Variants in OSTF1 observed in about 807,000 individuals in gnomAD.
OSTF1 encodes the protein osteoclast-stimulating factor 1.
In OSTF1, 27 loss-of-function variants were observed where a neutral mutation model predicts 37.2. The ratio of observed to expected loss-of-function variants is 0.73; its 90% CI spans 0.54 to 1.00. OSTF1 has a LOEUF of 1.00. OSTF1 is among the 50% of genes least tolerant of loss of function. OSTF1 has a pLI of 0.00. For missense variants in OSTF1, 232 were observed against 253.8 expected (o/e 0.91, Z 0.58); for synonymous variants, 82 against 89.2 (o/e 0.92, Z 0.46).
intron 1 of OSTF1, among the ~76,000 whole-genome samples, chr9:75,108,155 G>A (rs1468144770): frequency 1.3e-5 from 2 of 151,970 alleles, no homozygotes; most frequent in African/African-American, 4.8e-5. Context: ...AGCCTGAGAG[G>A]TTGAAGCTGC....
chr9:75,102,838 C>T (rs141942878), intron 1 of OSTF1, among the ~76,000 whole-genome samples: 46 of 152,316 alleles, frequency 3.0e-4, no homozygotes, highest in African/African-American at 9.4e-4. Flanking sequence ...CAATAGCCTG[C>T]GCTGATCATG....
At chr9:75,127,671 G>A in intron 3 of OSTF1, 52 bp downstream of exon 3, 1 of 941,010 alleles carries the variant, frequency 1.1e-6, no homozygotes, top group Non-Finnish European at 1.7e-6. Context: ...GTTTTATGTA[G>A]CTATAACATT....
At chr9:75,118,422 G>A (rs977966643) in intron 2 of OSTF1, among the ~76,000 whole-genome samples, 12 of 152,176 alleles carry the variant, frequency 7.9e-5, no homozygotes, top group African/African-American at 2.9e-4. Flanking sequence ...GACTGGAAGG[G>A]CAGAGCATTT....
chr9:75,127,668 G>C, intron 3 of OSTF1, 49 bp downstream of exon 3: 1 of 986,148 alleles, frequency 1.0e-6, no homozygotes, highest in East Asian at 2.5e-5. Flanking sequence ...ACTGTTTTAT[G>C]TAGCTATAAC....
intron 9 of OSTF1, among the ~76,000 whole-genome samples, chr9:75,142,276 TTA>T (rs1825955645): frequency 6.6e-6 from 1 of 152,140 alleles, no homozygotes; most frequent in Non-Finnish European, 1.5e-5. Context: ...CCCAGCTACA[TTA>T]TGATTGAGAA....
intron 1 of OSTF1, among the ~76,000 whole-genome samples, chr9:75,091,576 C>G (rs1169683318): frequency 6.6e-6 from 1 of 152,182 alleles, no homozygotes; most frequent in Admixed American, 6.5e-5. Flanking sequence ...GTCCTGCAGG[C>G]AAGCTGCATG....
intron 1 of OSTF1, among the ~76,000 whole-genome samples, chr9:75,091,653 T>G (rs1339839989): frequency 6.6e-6 from 1 of 152,184 alleles, no homozygotes; most frequent in Non-Finnish European, 1.5e-5. Flanking sequence ...TTTGGTTTGT[T>G]TAAACCTTGC....
intron 2 of OSTF1, among the ~76,000 whole-genome samples, chr9:75,119,521 A>G (rs911662681): frequency 3.3e-5 from 5 of 152,224 alleles, no homozygotes; most frequent in Non-Finnish European, 5.9e-5. Flanking sequence ...TTATTTTCTC[A>G]CAATTCCAGG....
intron 9 of OSTF1, among the ~76,000 whole-genome samples, chr9:75,146,247 T>G (rs1826022419): frequency 1.3e-5 from 2 of 152,262 alleles, no homozygotes; most frequent in South Asian, 4.1e-4. Context: ...AAATGGAAGC[T>G]TCTTTGTTTT....
chr9:75,120,896 G>A (rs1195884827), intron 2 of OSTF1, among the ~76,000 whole-genome samples: 2 of 152,164 alleles, frequency 1.3e-5, no homozygotes, highest in African/African-American at 2.4e-5. Context: ...TCCCTTCCAA[G>A]CTGACATTAA....
intron 2 of OSTF1, among the ~76,000 whole-genome samples, chr9:75,125,464 G>A (rs1825646901): frequency 6.6e-6 from 1 of 151,988 alleles, no homozygotes; most frequent in Non-Finnish European, 1.5e-5. Context: ...CCAAATTCAA[G>A]CAACAAAAAA....
intron 1 of OSTF1, among the ~76,000 whole-genome samples, chr9:75,116,124 A>G (rs1011120373): frequency 6.6e-6 from 1 of 151,828 alleles, no homozygotes; most frequent in Non-Finnish European, 1.5e-5. Context: ...AATTATTATT[A>G]TAATAATACA....
Position 75,088,596 on chromosome 9 carries a change from C to A in OSTF1, c.-97C>A. The A allele has an allele frequency of 7.5e-7, 1 of 1,334,882 alleles. No homozygotes were observed. The highest frequency in any genetic ancestry group is 1.1e-6 in the Non-Finnish European group (1 of 948,536). 82.7% of individuals were successfully genotyped at this position (1,334,882 alleles called of 1,614,324 possible). On this transcript the variant is annotated 5_prime_UTR_variant, in exon 1 of 10. Transcript: ENST00000346234. The stretch of plus-strand genomic sequence containing the variant: ...GTCCTAGGAGGCGCACGGTTGTAAG[C>A]CAGACAAAAAGAACTGGGGTGCCCG...
intron 1 of OSTF1, among the ~76,000 whole-genome samples, chr9:75,109,194 G>T (rs1825342253): frequency 6.6e-6 from 1 of 152,064 alleles, no homozygotes; most frequent in Non-Finnish European, 1.5e-5. Context: ...TGTATTTTTA[G>T]TAGAGATGAG....
At chr9:75,115,634 C>T (rs1306882570) in intron 1 of OSTF1, among the ~76,000 whole-genome samples, 3 of 115,560 alleles carry the variant, frequency 2.6e-5, no homozygotes, top group African/African-American at 8.5e-5. Flanking sequence ...AAGAGGACCC[C>T]CCCTTTTTTT....
At chr9:75,145,138 CCTATCTAT>C (rs759211679) in intron 9 of OSTF1, among the ~76,000 whole-genome samples, 1 of 95,858 alleles carries the variant, frequency 1.0e-5, no homozygotes, top group Non-Finnish European at 2.4e-5. Context: ...TATCTGCCTG[CCTATCTAT>C]CTATCTATCT....
chr9:75,146,697 T>C lies in OSTF1; in HGVS notation c.601T>C (p.Leu201=), dbSNP rs754382910. The C allele has an allele frequency of 2.5e-6, 4 of 1,610,336 alleles. No individual in the cohort carries two copies. Among genetic ancestry groups the C allele is most frequent in the East Asian group, 2.2e-5 (1 of 44,664 alleles). Reference sequence around the variant, plus strand: ...CTTTCTTTCAGATGCAGTTCGAACATTAAGCAATGCCGAGGACTATCTCGA... The same window carrying C: ...CTTTCTTTCAGATGCAGTTCGAACACTAAGCAATGCCGAGGACTATCTCGA... ...KKQGTDAVRT[L]SNAEDYLDDE... Residue 201 remains leucine, a synonymous_variant, in exon 10 of 10, where the codon TTA becomes CTA. Transcript: ENST00000346234.
intron 9 of OSTF1, among the ~76,000 whole-genome samples, chr9:75,143,469 G>A (rs1388288247): frequency 1.3e-5 from 2 of 152,042 alleles, no homozygotes; most frequent in African/African-American, 2.4e-5. Flanking sequence ...GTTCCCACAC[G>A]CCACATGCCT....
chr9:75,100,251 C>T (rs1271565373), intron 1 of OSTF1, among the ~76,000 whole-genome samples: 1 of 152,180 alleles, frequency 6.6e-6, no homozygotes, highest in Non-Finnish European at 1.5e-5. Context: ...CCACGCCATC[C>T]ACATCTTAAA....
Sources: gnomAD v4.1 joint callset for allele counts (sites outside exome capture counted in the v4.1 genomes callset) on GRCh38, gnomAD v4.1.1 for gene constraint, MANE v1.5 for transcripts, NCBI Gene and HGNC (gene_info 2026-07-23, HGNC 2026-07-21) for gene names.